Variants in STK4 observed in about 807,000 individuals in gnomAD.
STK4 encodes serine/threonine kinase 4, also known as serine/threonine-protein kinase 4.
Under a neutral mutation model 64.9 loss-of-function variants are expected in STK4, and 30 were observed. The ratio of observed to expected loss-of-function variants is 0.46; its 90% CI spans 0.35 to 0.63. STK4 has a LOEUF of 0.63. Ranked by LOEUF, STK4 falls within the 20% of genes least tolerant of loss-of-function variation. STK4 has a pLI of 0.01. For missense variants in STK4, 466 were observed against 598.5 expected (o/e 0.78, Z 2.31); for synonymous variants, 177 against 199.0 (o/e 0.89, Z 0.93).
chr20:45,017,194 A>G (rs749615229), intron 9 of STK4, among the ~76,000 whole-genome samples: 9 of 152,224 alleles, frequency 5.9e-5, no homozygotes, highest in Non-Finnish European at 1.3e-4. Context: ...AGTAACTTAT[A>G]TATTAAAAGG....
intron 10 of STK4, among the ~76,000 whole-genome samples, chr20:45,029,582 C>G (rs1641132545): frequency 6.6e-6 from 1 of 152,176 alleles, no homozygotes; most frequent in Admixed American, 6.5e-5. Context: ...GATCCTAAAG[C>G]AAGCATTTGA....
Position 45,041,923 on chromosome 20 carries a change from C to T in STK4, c.1305+16793C>T, listed in dbSNP as rs947309328. ...AATTCCTAATTGCTGTAATCAGAACCTGAAGTTTTTAAAGTTTGAATCTCA... is the reference window on the plus strand; with the variant it reads ...AATTCCTAATTGCTGTAATCAGAACTTGAAGTTTTTAAAGTTTGAATCTCA... On this transcript the variant is annotated intron_variant, in intron 10 of 10. Coordinates refer to ENST00000372806, the MANE Select transcript of STK4 (RefSeq NM_006282.5). 9.5e-4 allele frequency among the ~76,000 whole-genome samples: 144 copies of T among 152,038 alleles called. 3 individuals carry two copies. The highest frequency in any genetic ancestry group is 3.2e-4 in the Non-Finnish European group (22 of 68,014).
At chr20:44,977,327 T>A (rs2067356906) in intron 2 of STK4, among the ~76,000 whole-genome samples, 1 of 152,250 alleles carries the variant, frequency 6.6e-6, no homozygotes, top group African/African-American at 2.4e-5. Flanking sequence ...TTCATGAGCA[T>A]CTATTTGGCA....
At position 45,075,067 on chromosome 20, in the gene STK4, AC is replaced by A; in HGVS notation, c.1359del (p.Met454Ter). 2 of 1,614,122 alleles carry A rather than the reference AC, an allele frequency of 1.2e-6. No individual in the cohort carries two copies. Among genetic ancestry groups the A allele is most frequent in the Non-Finnish European group, 1.7e-6 (2 of 1,180,020 alleles). On this transcript the variant is annotated frameshift_variant, in exon 11 of 11. Coordinates refer to ENST00000372806, the MANE Select transcript of STK4 (RefSeq NM_006282.5). LOFTEE classifies it high-confidence loss of function. ...CTTCAGAAGAGGCTCTTGGCCCTGG[AC>A]CCCATGATGGAGCAGGAGATTGAAG... ...EDLQKRLLAL[D>X]PMMEQEIEEI...
chr20:45,052,355 A>C lies in STK4; in HGVS notation c.1306-22663A>C, dbSNP rs554138454. Among the ~76,000 whole-genome samples, 14 of 152,300 alleles carry C rather than the reference A, an allele frequency of 9.2e-5. No homozygotes were observed. The South Asian group carries it at 2.9e-3, about 32-fold the overall frequency. On this transcript the variant is annotated intron_variant, in intron 10 of 10. Transcript: ENST00000372806. ...ACTTAGATATTATTTTACACAGCTGAGATCATTCTGCATGCATAATAAATC... is the reference window on the plus strand; with the variant it reads ...ACTTAGATATTATTTTACACAGCTGCGATCATTCTGCATGCATAATAAATC...
chr20:45,039,546 A>T (rs2145415906), intron 10 of STK4, among the ~76,000 whole-genome samples: 1 of 152,240 alleles, frequency 6.6e-6, no homozygotes, highest in South Asian at 2.1e-4. Context: ...CCCAAGTCTG[A>T]ATACTCACAG....
intron 10 of STK4, among the ~76,000 whole-genome samples, chr20:45,039,513 TC>T (rs1192335848): frequency 6.6e-6 from 1 of 152,154 alleles, no homozygotes; most frequent in Non-Finnish European, 1.5e-5. Flanking sequence ...TTTTTTCATT[TC>T]TGAGAAAATG....
intron 2 of STK4, 51 bp from the exon 3 acceptor site, chr20:44,978,392 A>G (rs1309413388): frequency 6.3e-7 from 1 of 1,579,708 alleles, no homozygotes. Flanking sequence ...CACTTCTTAT[A>G]TCTTGGCTTG....
At chr20:45,018,582 T>C (rs6124675) in intron 9 of STK4, among the ~76,000 whole-genome samples, 23,293 of 152,090 alleles carry the variant, frequency 0.15, 1,928 homozygotes, top group East Asian at 0.22. Flanking sequence ...TTAAAAAAAA[T>C]TGAGTTACTG....
chr20:45,025,337 A>G (rs2068325945), intron 10 of STK4, among the ~76,000 whole-genome samples: 2 of 152,208 alleles, frequency 1.3e-5, no homozygotes, highest in African/African-American at 4.8e-5. Flanking sequence ...TTCGAAGTCC[A>G]TATTCAGTTT....
At chr20:44,996,333 C>A (rs779597879) in intron 6 of STK4, among the ~76,000 whole-genome samples, 1 of 149,410 alleles carries the variant, frequency 6.7e-6, no homozygotes, top group Non-Finnish European at 1.5e-5. Flanking sequence ...TGTAATACAC[C>A]CCCCCGCCAA....
chr20:45,052,841 C>T (rs1287120429), intron 10 of STK4, among the ~76,000 whole-genome samples: 2 of 152,140 alleles, frequency 1.3e-5, no homozygotes, highest in Non-Finnish European at 1.5e-5. Context: ...GTTTCTGACC[C>T]GGCAGTGCCA....
chr20:45,005,039 G>A (rs993812767), intron 9 of STK4, among the ~76,000 whole-genome samples: 2 of 151,812 alleles, frequency 1.3e-5, no homozygotes, highest in Non-Finnish European at 2.9e-5. Context: ...CCAAAGTGCT[G>A]GGATTACAGG....
intron 10 of STK4, among the ~76,000 whole-genome samples, chr20:45,069,151 A>C (rs1028010718): frequency 6.6e-6 from 1 of 152,224 alleles, no homozygotes; most frequent in African/African-American, 2.4e-5. Context: ...TCAGGCTCGG[A>C]GCCCGTCCTC....
intron 10 of STK4, among the ~76,000 whole-genome samples, chr20:45,047,085 T>C (rs1416140590): frequency 6.6e-6 from 1 of 152,232 alleles, no homozygotes; most frequent in Non-Finnish European, 1.5e-5. Context: ...GCAGACACAC[T>C]TGGTCTCTTA....
At chr20:45,021,804 C>T (rs1307577710) in intron 9 of STK4, among the ~76,000 whole-genome samples, 2 of 152,310 alleles carry the variant, frequency 1.3e-5, no homozygotes, top group East Asian at 3.9e-4. Flanking sequence ...AGATGAGAGG[C>T]ATCCAGTATC....
chr20:45,012,154 A>G (rs1200777556), intron 9 of STK4, among the ~76,000 whole-genome samples: 1 of 151,490 alleles, frequency 6.6e-6, no homozygotes, highest in Non-Finnish European at 1.5e-5. Context: ...CCCTGTCTCA[A>G]CTTCCCAAGT....
chr20:44,980,755 G>A (rs1214809053), intron 3 of STK4, among the ~76,000 whole-genome samples: 1 of 151,080 alleles, frequency 6.6e-6, no homozygotes, highest in Non-Finnish European at 1.5e-5. Flanking sequence ...TGCAAGCTCC[G>A]GCTCCTGGGT....
intron 10 of STK4, among the ~76,000 whole-genome samples, chr20:45,034,971 T>C (rs1037799744): frequency 2.0e-5 from 3 of 152,062 alleles, no homozygotes; most frequent in Non-Finnish European, 2.9e-5. Context: ...TTAAGAAACA[T>C]ACCTATGTAT....
Sources: allele counts gnomAD v4.1 joint callset (sites outside exome capture counted in the v4.1 genomes callset), GRCh38; gene constraint gnomAD v4.1.1; transcripts MANE v1.5; gene names NCBI Gene and HGNC (gene_info 2026-07-23, HGNC 2026-07-21).